Variants in PIK3R3 observed in about 807,000 individuals in gnomAD.
The protein encoded by PIK3R3 is phosphatidylinositol 3-kinase regulatory subunit gamma.
In PIK3R3, 64 loss-of-function variants were observed where a neutral mutation model predicts 62.9. The ratio of observed to expected loss-of-function variants is 1.02; its 90% CI spans 0.83 to 1.25. PIK3R3 has a LOEUF of 1.25. PIK3R3 is among the 50% of genes most tolerant of loss of function. PIK3R3 has a pLI of 0.00. For synonymous variants in PIK3R3, 165 were observed against 189.0 expected (o/e 0.87, Z 1.04); for missense variants, 614 against 561.6 (o/e 1.09, Z -0.94).
chr1:46,047,680 A>G (rs927942228), intron 7 of PIK3R3, among the ~76,000 whole-genome samples: 3 of 152,130 alleles, frequency 2.0e-5, no homozygotes, highest in Non-Finnish European at 4.4e-5. Context: ...AACTGTCCCA[A>G]CTAAGGCAGT....
chr1:46,059,033 G>A (rs781152895), intron 6 of PIK3R3, among the ~76,000 whole-genome samples: 3 of 152,320 alleles, frequency 2.0e-5, no homozygotes, highest in Non-Finnish European at 4.4e-5. Flanking sequence ...GAATCATGGA[G>A]GCGGTTTCCC....
chr1:46,158,528 G>T, the PIK3R3 span, among the ~76,000 whole-genome samples: 1 of 152,088 alleles, frequency 6.6e-6, no homozygotes, highest in Non-Finnish European at 1.5e-5. Context: ...TATTCTCTTG[G>T]GCCTGCTCTG....
chr1:46,089,714 CAAAAA>C (rs554079868), intron 1 of PIK3R3, among the ~76,000 whole-genome samples: 1 of 63,226 alleles, frequency 1.6e-5, no homozygotes, highest in African/African-American at 5.8e-5. Flanking sequence ...GACTCCATCT[CAAAAA>C]AAAAAAAAAA....
chr1:46,127,135 G>T lies in PIK3R3; in HGVS notation c.106+4712C>A, dbSNP rs141812132. On this transcript the variant is annotated intron_variant, in intron 1 of 9. Transcript: ENST00000262741. ...AGATCACTTGAGCCCAGGAGTTCAAGGCCAGCCTAGGCAACATGGCAAAAC... is the reference window on the plus strand; with the variant it reads ...AGATCACTTGAGCCCAGGAGTTCAATGCCAGCCTAGGCAACATGGCAAAAC... 4.1e-3 allele frequency among the ~76,000 whole-genome samples: 630 copies of T among 152,158 alleles called. 5 individuals are homozygous for T. The highest frequency in any genetic ancestry group is 0.014 in the African/African-American group (588 of 41,530).
chr1:46,092,293 T>C (rs188331749), intron 1 of PIK3R3, among the ~76,000 whole-genome samples: 15 of 152,366 alleles, frequency 9.8e-5, no homozygotes, highest in African/African-American at 3.4e-4. Flanking sequence ...CAATTGGTAA[T>C]TCTGGTATAA....
the PIK3R3 span, among the ~76,000 whole-genome samples, chr1:46,141,550 C>T: frequency 1.3e-5 from 2 of 152,154 alleles, no homozygotes; most frequent in East Asian, 1.9e-4. Flanking sequence ...GGATTACAGG[C>T]GTGAGCCACC....
chr1:46,094,022 T>C (rs962224077), intron 1 of PIK3R3, among the ~76,000 whole-genome samples: 1 of 151,636 alleles, frequency 6.6e-6, no homozygotes, highest in Admixed American at 6.6e-5. Context: ...TGAGCCAAGA[T>C]TGCACCACTG....
intron 1 of PIK3R3, among the ~76,000 whole-genome samples, chr1:46,086,762 T>C (rs1194523831): frequency 6.6e-6 from 1 of 152,094 alleles, no homozygotes; most frequent in Non-Finnish European, 1.5e-5. Context: ...GGAAGCACAA[T>C]GCATCTCTGA....
chr1:46,068,358 A>G (rs1046905439), intron 3 of PIK3R3, among the ~76,000 whole-genome samples: 1 of 152,214 alleles, frequency 6.6e-6, no homozygotes, highest in African/African-American at 2.4e-5. Context: ...GATATATGAT[A>G]AACAAGCCAG....
chr1:46,171,412 A>C, the PIK3R3 span, among the ~76,000 whole-genome samples: 1 of 152,196 alleles, frequency 6.6e-6, no homozygotes, highest in Non-Finnish European at 1.5e-5. Flanking sequence ...TGTGGGAAGA[A>C]GGGTTAAGCA....
intron 1 of PIK3R3, among the ~76,000 whole-genome samples, chr1:46,127,623 T>C (rs1477485790): frequency 1.3e-5 from 2 of 152,198 alleles, no homozygotes; most frequent in African/African-American, 4.8e-5. Context: ...TCTATCCAGC[T>C]TTGCTACAGA....
chr1:46,093,831 G>C (rs1321290166), intron 1 of PIK3R3, among the ~76,000 whole-genome samples: 1 of 150,784 alleles, frequency 6.6e-6, no homozygotes, highest in African/African-American at 2.4e-5. Flanking sequence ...CTCCAGTCTG[G>C]GTGACAGAGT....
chr1:46,149,955 C>T, the PIK3R3 span, among the ~76,000 whole-genome samples: 1 of 152,246 alleles, frequency 6.6e-6, no homozygotes, highest in African/African-American at 2.4e-5. Flanking sequence ...TCAAGCAGCA[C>T]ATACTACTGC....
the PIK3R3 span, among the ~76,000 whole-genome samples, chr1:46,149,338 C>T: frequency 1.4e-5 from 2 of 146,260 alleles, no homozygotes; most frequent in African/African-American, 2.5e-5. Flanking sequence ...GGGAGAATTG[C>T]TTGAACCCAG....
chr1:46,062,080 G>A lies in PIK3R3; in HGVS notation c.622-9C>T, dbSNP rs1377231490. On this transcript the variant is annotated splice_polypyrimidine_tract_variant and intron_variant, in intron 5 of 9. Transcript: ENST00000262741. ...CTCTTCATCTGTATTTCCTACAGGA[G>A]AGAAAAAGAAAAAACACAGGCTTCA... 15 of 1,577,524 alleles carry A rather than the reference G, an allele frequency of 9.5e-6. No individual in the cohort carries two copies. In the Admixed American group the frequency reaches 1.6e-4, roughly 17 times the overall value.
intron 1 of PIK3R3, among the ~76,000 whole-genome samples, chr1:46,102,128 G>C (rs1300303388): frequency 2.0e-5 from 3 of 151,714 alleles, no homozygotes; most frequent in Admixed American, 1.3e-4. Flanking sequence ...TGGGACTACA[G>C]GCGCCCACCA....
chr1:46,090,026 C>A (rs371093781), intron 1 of PIK3R3, among the ~76,000 whole-genome samples: 2 of 152,106 alleles, frequency 1.3e-5, no homozygotes, highest in Non-Finnish European at 1.5e-5. Context: ...CCCCTAGGGG[C>A]TAGAAAGTGG....
In PIK3R3 at chr1:46,132,116, C is replaced by G; in HGVS notation, c.-164G>C. ...CCGGCCAAACTACCCGAACAGGGTC[C>G]TCCCCCTCTCTCCTACAGAACACAA... On this transcript the variant is annotated 5_prime_UTR_variant, in exon 1 of 10. Coordinates refer to ENST00000262741, the MANE Select transcript of PIK3R3 (RefSeq NM_003629.4). 7.1e-7 allele frequency: 1 copy of G among 1,410,460 alleles called. No individual in the cohort carries two copies. The highest frequency in any genetic ancestry group is 9.2e-7 in the Non-Finnish European group (1 of 1,086,538). 87.4% of individuals were successfully genotyped at this position (1,410,460 alleles called of 1,614,324 possible).
chr1:46,136,299 C>T (rs947075164), upstream of PIK3R3, among the ~76,000 whole-genome samples: 9 of 152,124 alleles, frequency 5.9e-5, no homozygotes, highest in Non-Finnish European at 1.0e-4. Context: ...CCTCCCCAGA[C>T]ACTTGACTTG....
Sources: allele counts gnomAD v4.1 joint callset (sites outside exome capture counted in the v4.1 genomes callset), GRCh38; gene constraint gnomAD v4.1.1; transcripts MANE v1.5; gene names NCBI Gene and HGNC (gene_info 2026-07-23, HGNC 2026-07-21).